Variants in PPP6R1 observed in about 807,000 individuals in gnomAD.
The protein encoded by PPP6R1 is serine/threonine-protein phosphatase 6 regulatory subunit 1.
In PPP6R1, 39 loss-of-function variants were observed where a neutral mutation model predicts 104.6. The observed-to-expected ratio is 0.37, with a 90% CI of 0.29 to 0.49. PPP6R1 has a LOEUF of 0.49. PPP6R1 is among the 20% of genes least tolerant of loss of function. The probability of loss-of-function intolerance (pLI) is 0.98; values close to 1 mark genes in which losing one functional copy is unlikely to be tolerated. For missense variants in PPP6R1, 1,181 were observed against 1,155.8 expected, an observed-to-expected ratio of 1.02 and a Z score of -0.32; for synonymous variants, 549 against 479.0, an observed-to-expected ratio of 1.15 and a Z score of -1.91.
rs1179232184 is a variant in PPP6R1, at chr19:55,252,396, A to ATTT, written c.-6-5290_-6-5288dup. Among the ~76,000 whole-genome samples, 43 of 70,586 alleles carry ATTT rather than the reference A, an allele frequency of 6.1e-4. 1 individual carries two copies. The highest frequency in any genetic ancestry group is 2.2e-3 in the African/African-American group (41 of 18,282). The allele number at this position is 70,586 out of a possible 152,430, so 46.3% of individuals were successfully genotyped here. ...AGGTGCGCACCACCATTCTTGGCTG[A>ATTT]TTTTTTTTTTTTTTTTTTTTGAGAC... On this transcript the variant is annotated intron_variant, in intron 1 of 23. Coordinates refer to ENST00000412770, the MANE Select transcript of PPP6R1 (RefSeq NM_014931.4).
At chr19:55,237,898 G>A (rs1460078856) in intron 15 of PPP6R1, among the ~76,000 whole-genome samples, 1 of 152,112 alleles carries the variant, frequency 6.6e-6, no homozygotes, top group Non-Finnish European at 1.5e-5. Flanking sequence ...TTTCCATTCC[G>A]GAAATCTTTC....
chr19:55,245,796 T>C lies in PPP6R1; in HGVS notation c.228-118A>G, dbSNP rs1250041059. ...GGTTTCTGGGAACTGCAGAGACCCC[T>C]GTCCAGGAAGGGGAAAGGGCAGAGG... On this transcript the variant is annotated intron_variant, in intron 2 of 23. Coordinates refer to ENST00000412770, the MANE Select transcript of PPP6R1 (RefSeq NM_014931.4). This position sits in a 1 kb window ranked among gnomAD's most constrained non-coding sequence, Gnocchi z 6.4. The C allele has an allele frequency of 1.2e-5, 10 of 849,620 alleles. No homozygotes were observed. Among genetic ancestry groups the C allele is most frequent in the Non-Finnish European group, 1.3e-5 (7 of 551,908 alleles). 52.6% of individuals were successfully genotyped at this position (849,620 alleles called of 1,614,324 possible). A position where few individuals can be genotyped will look rare whatever the true frequency, so the allele number is the denominator to read the frequency against.
chr19:55,236,423 TGGGATTACAGGCACTCA>T, intron 17 of PPP6R1: 1 of 556,132 alleles, frequency 1.8e-6, no homozygotes, highest in East Asian at 3.1e-5. Flanking sequence ...CCCAAAGTAC[TGGGATTACAGGCACTCA>T]GGGATTACAT....
Position 55,241,474 on chromosome 19 carries a change from G to C in PPP6R1, c.1008+3C>G. 2 of 1,603,148 alleles carry C rather than the reference G, an allele frequency of 1.2e-6. No individual in the cohort carries two copies. The highest frequency in any genetic ancestry group is 8.5e-7 in the Non-Finnish European group (1 of 1,174,934). ...CCCGAGGACCAGAACCCACACCCCT[G>C]ACCTTGGGAGGCTCCAGCAGGAGCT... On this transcript the variant is annotated splice_donor_region_variant and intron_variant, in intron 8 of 23. Transcript: ENST00000412770. This position sits in a 1 kb window ranked among gnomAD's most constrained non-coding sequence, Gnocchi z 5.4.
chr19:55,242,383 G>A lies in PPP6R1; in HGVS notation c.724C>T (p.Leu242=), dbSNP rs1266353130. 3 of 1,613,376 alleles carry A rather than the reference G, an allele frequency of 1.9e-6. No individual in the cohort carries two copies. Among genetic ancestry groups the A allele is most frequent in the Non-Finnish European group, 2.5e-6 (3 of 1,179,424 alleles). Residue 242 remains leucine, a synonymous_variant, in exon 6 of 24, where the codon CTG becomes TTG. Coordinates refer to ENST00000412770, the MANE Select transcript of PPP6R1 (RefSeq NM_014931.4). ...SPEPDQLLAT[L]EKQETIEQLL... ...CCTTGCCCGCACACCCACTTCTCCAGGGTGGCCAGCAGTTGGTCAGGCTCT... is the reference window on the plus strand; with the variant it reads ...CCTTGCCCGCACACCCACTTCTCCAAGGTGGCCAGCAGTTGGTCAGGCTCT...
chr19:55,230,383 C>T lies in PPP6R1; in HGVS notation c.*145G>A. Reference sequence around the variant, plus strand: ...GTGGGTTGGGCCTGTCTCCCTGGCACCAGCCTCCTGGGGGTCCAGAGGAGA... The same window carrying T: ...GTGGGTTGGGCCTGTCTCCCTGGCATCAGCCTCCTGGGGGTCCAGAGGAGA... On this transcript the variant is annotated 3_prime_UTR_variant, in exon 24 of 24. Coordinates refer to ENST00000412770, the MANE Select transcript of PPP6R1 (RefSeq NM_014931.4). 1 of 1,294,464 alleles carries T rather than the reference C, an allele frequency of 7.7e-7. No individual in the cohort carries two copies. The highest frequency in any genetic ancestry group is 1.1e-6 in the Non-Finnish European group (1 of 935,472). 80.2% of individuals were successfully genotyped at this position (1,294,464 alleles called of 1,614,324 possible).
At chr19:55,240,561 A>G (rs2087445302) in intron 10 of PPP6R1, among the ~76,000 whole-genome samples, 1 of 151,446 alleles carries the variant, frequency 6.6e-6, no homozygotes, top group Admixed American at 6.6e-5. Context: ...ACACACATGC[A>G]TGCACTAACG....
At position 55,241,383 on chromosome 19, in the gene PPP6R1, C is replaced by T. The variant is rs749404180; in HGVS notation, c.1017G>A (p.Pro339=). ...QLLLEPPKLE[P]LQMTWGMLAP... ...CCAGCATGCCCCATGTCATCTGTAG[C>T]GGCTCCAGCTGCAGACACAGGGAGG... The change falls in exon 9 of 24, where the codon CCG becomes CCA. Residue 339 remains proline, a synonymous_variant. Coordinates refer to ENST00000412770, the MANE Select transcript of PPP6R1 (RefSeq NM_014931.4). The surrounding 1 kb of genome is among the most constrained non-coding windows in gnomAD (Gnocchi z 5.4). 2.7e-5 allele frequency: 44 copies of T among 1,607,378 alleles called. No individual in the cohort carries two copies. Among genetic ancestry groups the T allele is most frequent in the Admixed American group, 3.4e-5 (2 of 59,464 alleles).
rs764984696 is a variant in PPP6R1, at chr19:55,247,008, G to A, written c.96C>T (p.Asp32=). The A allele has an allele frequency of 4.3e-6, 7 of 1,613,762 alleles. No homozygotes were observed. The highest frequency in any genetic ancestry group is 1.7e-5 in the Admixed American group (1 of 60,012). The change falls in exon 2 of 24, where the codon GAC becomes GAT. Residue 32 remains aspartate, a synonymous_variant. Coordinates refer to ENST00000412770, the MANE Select transcript of PPP6R1 (RefSeq NM_014931.4). ...LSLPELLDEE[D]VLQECKVVNR... ...TGACGACCTTGCACTCCTGCAGCAC[G>A]TCTTCCTCGTCCAGCAGCTCGGGCA... is the stretch of plus-strand genomic sequence containing the variant.
chr19:55,244,595 A>G (rs552911960), intron 5 of PPP6R1, among the ~76,000 whole-genome samples: 1 of 152,334 alleles, frequency 6.6e-6, no homozygotes, highest in East Asian at 1.9e-4. Flanking sequence ...GCAAGGCATT[A>G]TGTGCCAAGT....
chr19:55,250,124 G>T, intron 1 of PPP6R1, among the ~76,000 whole-genome samples: 1 of 152,198 alleles, frequency 6.6e-6, no homozygotes, highest in East Asian at 1.9e-4. Flanking sequence ...CTGGGTGGAT[G>T]GGGGCATTCC....
Position 55,239,511 on chromosome 19 carries a change from G to C in PPP6R1, c.1654-9C>G. On this transcript the variant is annotated splice_polypyrimidine_tract_variant and intron_variant, in intron 14 of 23. Transcript: ENST00000412770. ...TGGAAGTCCATGAAGGCCTGTGGGG[G>C]TGCGGAGGTTAGGGCTGGAGGGAGT... 6.2e-7 allele frequency: 1 copy of C among 1,613,686 alleles called. No homozygotes were observed. Among genetic ancestry groups the C allele is most frequent in the Non-Finnish European group, 8.5e-7 (1 of 1,179,672 alleles).
chr19:55,245,243 C>T lies in PPP6R1; in HGVS notation c.552+22G>A. On this transcript the variant is annotated intron_variant, in intron 4 of 23. Coordinates refer to ENST00000412770, the MANE Select transcript of PPP6R1 (RefSeq NM_014931.4). This position sits in a 1 kb window ranked among gnomAD's most constrained non-coding sequence, Gnocchi z 6.4. Reference sequence around the variant, plus strand: ...TCCACCACGCCCAGCCCCCCACCCCCAGAGGAGCCGGCCCTGCTCACATTG... The same window carrying T: ...TCCACCACGCCCAGCCCCCCACCCCTAGAGGAGCCGGCCCTGCTCACATTG... 1 of 1,599,684 alleles carries T rather than the reference C, an allele frequency of 6.3e-7. No individual in the cohort carries two copies. The highest frequency in any genetic ancestry group is 8.5e-7 in the Non-Finnish European group (1 of 1,173,476).
chr19:55,258,290 G>A (rs941542809), intron 1 of PPP6R1, 145 bp downstream of exon 1: 6 of 152,694 alleles, frequency 3.9e-5, no homozygotes, highest in Non-Finnish European at 7.3e-5. Context: ...CCGTGGAGAG[G>A]AAACCCGAAG....
At chr19:55,237,132 G>A (rs2122571427) in intron 15 of PPP6R1, among the ~76,000 whole-genome samples, 162 bp from the exon 16 acceptor site, 2 of 152,324 alleles carry the variant, frequency 1.3e-5, no homozygotes, top group African/African-American at 4.8e-5. Context: ...GTCCTAAGGG[G>A]CAACGCATAC....
At chr19:55,237,947 G>A (rs2087414178) in intron 15 of PPP6R1, among the ~76,000 whole-genome samples, 1 of 152,164 alleles carries the variant, frequency 6.6e-6, no homozygotes. Flanking sequence ...TAACCCCTCT[G>A]GAATTTTCTT....
Position 55,258,581 on chromosome 19 carries a change from GC to G in PPP6R1, c.-154del, listed in dbSNP as rs2087613995. On this transcript the variant is annotated 5_prime_UTR_variant, in exon 1 of 24. Coordinates refer to ENST00000412770, the MANE Select transcript of PPP6R1 (RefSeq NM_014931.4). ...GGGACTCGCGCAGGCGCCGGGGCTC[GC>G]GGGGTCCGCGCAGGCGCCCGCGGGT... 6.7e-6 allele frequency: 1 copy of G among 149,498 alleles called. No homozygotes were observed. The highest frequency in any genetic ancestry group is 2.5e-5 in the African/African-American group (1 of 40,444). The allele number at this position is 149,498 out of a possible 1,614,324, so 9.3% of individuals were successfully genotyped here.
rs1200006911 is a variant in PPP6R1, at chr19:55,251,707, A to G, written c.-6-4598T>C. 3.3e-5 allele frequency among the ~76,000 whole-genome samples: 5 copies of G among 152,238 alleles called. No homozygotes were observed. The East Asian group carries it at 9.7e-4, about 29-fold the overall frequency. On this transcript the variant is annotated intron_variant, in intron 1 of 23. Transcript: ENST00000412770. ...TCCCCTACTTCCCAGCCCGCTTGAC[A>G]AGGAATGCGACAGGCCGACCACCAA...
chr19:55,245,938 G>A lies in PPP6R1; in HGVS notation c.228-260C>T, dbSNP rs913254443. Among the ~76,000 whole-genome samples, 3 of 151,882 alleles carry A rather than the reference G, an allele frequency of 2.0e-5. No individual in the cohort carries two copies. Among genetic ancestry groups the A allele is most frequent in the Admixed American group, 6.6e-5 (1 of 15,240 alleles). ...GACAAGCTGGTCCTGAAGCTCCTGC[G>A]CTTCCCAATCCCCCAGCAGCTAACA... On this transcript the variant is annotated intron_variant, in intron 2 of 23. Transcript: ENST00000412770. This position sits in a 1 kb window ranked among gnomAD's most constrained non-coding sequence, Gnocchi z 6.4.
Sources: allele counts gnomAD v4.1 joint callset (sites outside exome capture counted in the v4.1 genomes callset), GRCh38; gene constraint gnomAD v4.1.1; non-coding constraint Gnocchi (gnomAD v3.1); transcripts MANE v1.5; gene names NCBI Gene and HGNC (gene_info 2026-07-23, HGNC 2026-07-21).